Variants in IL34 observed in about 807,000 individuals in gnomAD.
The protein encoded by IL34 is interleukin 34.
IL34 carries 17 observed loss-of-function variants against 25.3 expected under a neutral mutation model. The ratio of observed to expected loss-of-function variants is 0.67; its 90% CI spans 0.46 to 1.01. The LOEUF (loss-of-function observed/expected upper bound fraction) is 1.01, where lower values mean the gene tolerates loss of function less well. Among genes scored for constraint, IL34 ranks in the 50% least tolerant of loss-of-function variants. The probability of loss-of-function intolerance (pLI) is 0.00; values close to 1 mark genes in which losing one functional copy is unlikely to be tolerated. For synonymous variants in IL34, 174 were observed against 140.9 expected (o/e 1.23, Z -1.66); for missense variants, 368 against 312.9 (o/e 1.18, Z -1.33).
intron 1 of IL34, among the ~76,000 whole-genome samples, chr16:70,606,386 A>C (rs2151822789): frequency 6.6e-6 from 1 of 152,280 alleles, no homozygotes; most frequent in South Asian, 2.1e-4. Flanking sequence ...CAACAGAGCA[A>C]GACTCTGTCT....
chr16:70,660,171 AGGGCCTCTTGCCCTG>A lies in IL34; in HGVS notation c.714_728del (p.Gly239_Ter243delextTer70). 6.3e-7 allele frequency: 1 copy of A among 1,593,678 alleles called. No individual in the cohort carries two copies. ...GTGAGGCCGGTCAGGGCACAGGGCG[AGGGCCTCTTGCCCTG>A]AGCACCCTGGATGGTGACTGCGGAT... On this transcript the variant is annotated stop_lost and inframe_deletion, in exon 6 of 6. Coordinates refer to ENST00000288098, the MANE Select transcript of IL34 (RefSeq NM_001393494.1).
chr16:70,638,078 C>G (rs1295805708), intron 1 of IL34, among the ~76,000 whole-genome samples: 2 of 152,140 alleles, frequency 1.3e-5, no homozygotes, highest in Admixed American at 6.6e-5. Context: ...TTTCTCCATA[C>G]TACAAATCAG....
chr16:70,601,546 G>A (rs2050917385), intron 1 of IL34, among the ~76,000 whole-genome samples: 1 of 151,918 alleles, frequency 6.6e-6, no homozygotes, highest in Non-Finnish European at 1.5e-5. Flanking sequence ...TGAATAGCTG[G>A]TACCACCCTG....
At chr16:70,653,423 G>A (rs2052131305) in intron 1 of IL34, among the ~76,000 whole-genome samples, 2 of 151,804 alleles carry the variant, frequency 1.3e-5, no homozygotes, top group African/African-American at 4.8e-5. Context: ...AATGGGCCAG[G>A]CACAGTGGCT....
intron 2 of IL34, among the ~76,000 whole-genome samples, chr16:70,655,241 C>T (rs1347061396): frequency 4.0e-5 from 6 of 150,300 alleles, no homozygotes; most frequent in African/African-American, 4.9e-5. Context: ...TTAGTAGAGA[C>T]GGGGTTTCAC....
At chr16:70,628,836 G>A (rs902019404) in intron 1 of IL34, among the ~76,000 whole-genome samples, 1 of 143,928 alleles carries the variant, frequency 6.9e-6, no homozygotes, top group Non-Finnish European at 1.5e-5. Context: ...TGCCCAGGCT[G>A]AAGTGCAGTG....
chr16:70,623,586 G>A (rs1002025842), intron 1 of IL34, among the ~76,000 whole-genome samples: 4 of 152,026 alleles, frequency 2.6e-5, no homozygotes, highest in Non-Finnish European at 4.4e-5. Flanking sequence ...AGATGGTAAG[G>A]GGTGCATGAT....
At chr16:70,622,275 A>T (rs2051298482) in intron 1 of IL34, among the ~76,000 whole-genome samples, 1 of 152,094 alleles carries the variant, frequency 6.6e-6, no homozygotes, top group Non-Finnish European at 1.5e-5. Flanking sequence ...AAGTTATTTT[A>T]GTTATCTGAC....
chr16:70,648,014 G>A (rs1049305315), intron 1 of IL34, among the ~76,000 whole-genome samples: 2 of 152,206 alleles, frequency 1.3e-5, no homozygotes, highest in Non-Finnish European at 2.9e-5. Flanking sequence ...AAGGTTTGGC[G>A]GTGGGATGGT....
rs116275381 is a variant in IL34 at position 70,590,769 on chromosome 16, G to A, written c.-401+10720G>A. ...TGGCGTTGCTGGGATTCGAACCCAG[G>A]CAGTCCGGCTTGAGCCCTCCATCCT... On this transcript the variant is annotated intron_variant, in intron 1 of 6. Transcript: ENST00000429149. Among the ~76,000 whole-genome samples, 160 of 152,288 alleles carry A rather than the reference G, an allele frequency of 1.1e-3. 1 individual carries two copies. Among genetic ancestry groups the A allele is most frequent in the African/African-American group, 3.4e-3 (141 of 41,554 alleles).
intron 1 of IL34, among the ~76,000 whole-genome samples, chr16:70,624,179 G>T (rs978681081): frequency 1.3e-5 from 2 of 151,984 alleles, no homozygotes; most frequent in Non-Finnish European, 2.9e-5. Context: ...GATGGGACGC[G>T]GCTTAGGAGG....
chr16:70,613,507 T>C (rs2051123053), intron 1 of IL34, among the ~76,000 whole-genome samples: 1 of 152,220 alleles, frequency 6.6e-6, no homozygotes, highest in Admixed American at 6.5e-5. Flanking sequence ...TGGAGTTGGC[T>C]ATTCCGGAAC....
intron 1 of IL34, among the ~76,000 whole-genome samples, chr16:70,608,920 C>G (rs577945552): frequency 4.1e-4 from 62 of 152,284 alleles, no homozygotes; most frequent in Non-Finnish European, 7.1e-4. Flanking sequence ...CCACTCAGAC[C>G]TGGTTCCAAT....
At chr16:70,656,240 C>G (rs905442262) in intron 2 of IL34, among the ~76,000 whole-genome samples, 7 of 152,290 alleles carry the variant, frequency 4.6e-5, no homozygotes, top group African/African-American at 1.4e-4. Context: ...CCTCCTACAT[C>G]AAAATTCATC....
At position 70,656,991 on chromosome 16, in the gene IL34, G is replaced by C. The variant is rs781308018; in HGVS notation, c.272G>C (p.Arg91Pro). ...QRAQVSEREL[R>P]YLWVLVSLSA... Reference sequence around the variant, plus strand: ...GCCCAGGTGAGCGAGCGGGAGCTGCGGTATCTGTGGGTCTTGGTGAGCCTC... The same window carrying C: ...GCCCAGGTGAGCGAGCGGGAGCTGCCGTATCTGTGGGTCTTGGTGAGCCTC... The change falls in exon 4 of 6, where the codon CGG becomes CCG. Residue 91 changes from arginine to proline, a missense_variant. Arg to Pro is a moderately radical substitution (Grantham distance 103). Coordinates refer to ENST00000288098, the MANE Select transcript of IL34 (RefSeq NM_001393494.1). 1.2e-6 allele frequency: 2 copies of C among 1,611,512 alleles called. No homozygotes were observed. Among genetic ancestry groups the C allele is most frequent in the Non-Finnish European group, 1.7e-6 (2 of 1,179,490 alleles).
At chr16:70,633,229 T>G (rs4985549) in intron 1 of IL34, among the ~76,000 whole-genome samples, 50,284 of 151,618 alleles carry the variant, frequency 0.33, 8,424 homozygotes, top group South Asian at 0.46. Context: ...CTTCCCAAAG[T>G]GCTGGGATTA....
At chr16:70,611,259 A>G (rs1417963346) in intron 1 of IL34, among the ~76,000 whole-genome samples, 3 of 152,136 alleles carry the variant, frequency 2.0e-5, no homozygotes, top group Non-Finnish European at 4.4e-5. Flanking sequence ...TGGAACTGGA[A>G]GGAAGGGTTG....
intron 1 of IL34, among the ~76,000 whole-genome samples, chr16:70,607,483 C>G (rs569766493): frequency 2.6e-5 from 4 of 152,320 alleles, no homozygotes; most frequent in African/African-American, 7.2e-5. Flanking sequence ...CATCCCTCCC[C>G]CTTTTTCTGG....
At chr16:70,653,497 G>A (rs1287426876) in intron 1 of IL34, among the ~76,000 whole-genome samples, 1 of 152,040 alleles carries the variant, frequency 6.6e-6, no homozygotes, top group Admixed American at 6.6e-5. Flanking sequence ...TCAGGAGTTC[G>A]AGGCAAGTCT....
Sources: allele counts gnomAD v4.1 joint callset (sites outside exome capture counted in the v4.1 genomes callset), GRCh38; gene constraint gnomAD v4.1.1; transcripts MANE v1.5; gene names NCBI Gene and HGNC (gene_info 2026-07-23, HGNC 2026-07-21).